VPS39: variants seen among roughly 807,000 people sequenced by gnomAD.
The protein encoded by VPS39 is vam6/Vps39-like protein.
VPS39 carries 70 observed loss-of-function variants against 121.0 expected under a neutral mutation model. The ratio of observed to expected loss-of-function variants is 0.58; its 90% CI spans 0.48 to 0.71. The LOEUF is 0.71. Among genes scored for constraint, VPS39 ranks in the 30% least tolerant of loss-of-function variants. The pLI is 0.00. For missense variants in VPS39, 818 were observed against 1,051.5 expected, an observed-to-expected ratio of 0.78 and a Z score of 3.07; for synonymous variants, 378 against 398.1, an observed-to-expected ratio of 0.95 and a Z score of 0.60.
chr15:42,159,597 A>T lies in VPS39; in HGVS notation c.*1157T>A, dbSNP rs899868069. On this transcript the variant is annotated 3_prime_UTR_variant, in exon 25 of 25. Transcript: ENST00000318006. ...CCCGCGTCCCCTCTGCTGTGCCTAA[A>T]CACCTCTCAGGAACACTTGGCAGCA... 2 of 152,322 alleles carry T rather than the reference A, an allele frequency of 1.3e-5. No homozygotes were observed. Among genetic ancestry groups the T allele is most frequent in the Non-Finnish European group, 2.9e-5 (2 of 68,202 alleles). 9.4% of individuals were successfully genotyped at this position (152,322 alleles called of 1,614,324 possible).
chr15:42,199,747 T>C, intron 2 of VPS39, 149 bp downstream of exon 2: 1 of 771,998 alleles, frequency 1.3e-6, no homozygotes, highest in East Asian at 3.0e-5. Context: ...AGAAAAACCC[T>C]AGGCATTCTC....
intron 4 of VPS39, 68 bp downstream of exon 4, chr15:42,191,057 T>A (rs1203406948): frequency 6.4e-7 from 1 of 1,561,122 alleles, no homozygotes; most frequent in Non-Finnish European, 8.8e-7. Context: ...AAATTAACCA[T>A]GAAAGGATTA....
chr15:42,169,650 C>T, intron 12 of VPS39, 74 bp downstream of exon 12: 1 of 1,491,718 alleles, frequency 6.7e-7, no homozygotes, highest in Non-Finnish European at 9.0e-7. Context: ...AGAAGGCCCT[C>T]AATTCCTTGC....
In VPS39 at chr15:42,162,093, T is replaced by A; in HGVS notation, c.2399A>T (p.Asn800Ile). 1 of 1,614,188 alleles carries A rather than the reference T, an allele frequency of 6.2e-7. No homozygotes were observed. Among genetic ancestry groups the A allele is most frequent in the Non-Finnish European group, 8.5e-7 (1 of 1,180,018 alleles). Residue 800 changes from asparagine to isoleucine, a missense_variant, in exon 23 of 25, where the codon AAT (asparagine) becomes ATT (isoleucine). Asn to Ile is a moderately radical substitution (Grantham distance 149). Transcript: ENST00000318006. Reference sequence around the variant, plus strand: ...TTGATTGAACCGTTTCTTTTGTGCATTTTCTTCCAAGACCTTTTCCAGGAA... The same window carrying A: ...TTGATTGAACCGTTTCTTTTGTGCAATTTCTTCCAAGACCTTTTCCAGGAA... ...RIFLEKVLEE[N>I]AQKKRFNQVL...
chr15:42,165,927 G>A, intron 16 of VPS39, 111 bp from the exon 17 acceptor site: 6 of 1,079,520 alleles, frequency 5.6e-6, no homozygotes, highest in South Asian at 1.4e-5. Flanking sequence ...GCAAGGGTAC[G>A]AGAAGGCATC....
chr15:42,161,970 T>C, intron 23 of VPS39, 62 bp downstream of exon 23: 2 of 1,608,350 alleles, frequency 1.2e-6, no homozygotes, highest in Non-Finnish European at 8.5e-7. Context: ...AGGGAACATG[T>C]GGACATTGTC....
At chr15:42,195,570 A>G (rs929514292) in intron 2 of VPS39, among the ~76,000 whole-genome samples, 15 of 152,208 alleles carry the variant, frequency 9.9e-5, no homozygotes, top group Non-Finnish European at 1.8e-4. Context: ...TCCCATTCAC[A>G]ATTGCTTCAA....
At chr15:42,190,237 TGCATTTTGTACTAACCCATG>T (rs1449428651) in intron 4 of VPS39, among the ~76,000 whole-genome samples, 1 of 152,352 alleles carries the variant, frequency 6.6e-6, no homozygotes, top group African/African-American at 2.4e-5. Context: ...AAATCCCCTG[TGCATTTTGTACTAACCCATG>T]GCAATGATTT....
intron 8 of VPS39, among the ~76,000 whole-genome samples, chr15:42,182,345 T>G (rs1218569658): frequency 6.6e-6 from 1 of 152,250 alleles, no homozygotes; most frequent in Non-Finnish European, 1.5e-5. Context: ...CTGTCCCACT[T>G]GAATACGTTC....
At position 42,187,352 on chromosome 15, in the gene VPS39, A is replaced by G. The variant is rs750923243; in HGVS notation, c.453T>C (p.Ser151=). 1.1e-4 allele frequency: 172 copies of G among 1,607,618 alleles called. 1 individual carries two copies. Among genetic ancestry groups the G allele is most frequent in the Non-Finnish European group, 1.4e-4 (160 of 1,178,458 alleles). ...REFHELQGDF[S]VPDVPKSMAW... The stretch of plus-strand genomic sequence containing the variant: ...CCATGGACTTGGGCACATCTGGCAC[A>G]CTAAAGTCCCCCTGAAAAAAGAGAG... Residue 151 remains serine (S), a synonymous_variant, in exon 7 of 25, where the codon AGT becomes AGC. Coordinates refer to ENST00000318006, the MANE Select transcript of VPS39 (RefSeq NM_015289.5).
intron 1 of VPS39, among the ~76,000 whole-genome samples, chr15:42,204,486 C>A (rs1038726620): frequency 6.6e-6 from 1 of 152,086 alleles, no homozygotes; most frequent in East Asian, 1.9e-4. Flanking sequence ...CCCGTCTCTA[C>A]TAAAACTACA....
In VPS39 at chr15:42,201,308, G is replaced by A. The variant is rs1044795891; in HGVS notation, c.74-1347C>T. Among the ~76,000 whole-genome samples the A allele has an allele frequency of 9.9e-5, 15 of 152,124 alleles. 1 individual carries two copies. Among genetic ancestry groups the A allele is most frequent in the Admixed American group, 8.5e-4 (13 of 15,272 alleles). ...CTCCCACCTCAGCCTCCTGAGTGGC[G>A]AGAAATACAGGCATGCACCACCACG... On this transcript the variant is annotated intron_variant, in intron 1 of 24. Coordinates refer to ENST00000318006, the MANE Select transcript of VPS39 (RefSeq NM_015289.5).
chr15:42,193,925 A>C (rs1429453659), intron 2 of VPS39, among the ~76,000 whole-genome samples: 3 of 152,160 alleles, frequency 2.0e-5, no homozygotes, highest in Non-Finnish European at 4.4e-5. Context: ...TCAAACAAAA[A>C]TAATACTCCC....
chr15:42,191,946 C>G (rs1195233417), intron 2 of VPS39: 2 of 1,217,808 alleles, frequency 1.6e-6, no homozygotes, highest in African/African-American at 3.0e-5. Context: ...CCCAAAGCAT[C>G]CTTAGATCTA....
At chr15:42,197,111 T>C (rs2049956699) in intron 2 of VPS39, among the ~76,000 whole-genome samples, 1 of 129,328 alleles carries the variant, frequency 7.7e-6, no homozygotes, top group African/African-American at 3.0e-5. Flanking sequence ...CACTCATAGG[T>C]GGGAATTGAA....
intron 6 of VPS39, 79 bp downstream of exon 6, chr15:42,187,679 C>A: frequency 7.9e-7 from 1 of 1,268,772 alleles, no homozygotes; most frequent in Non-Finnish European, 1.2e-6. Context: ...AATGACAAGA[C>A]TGGAGTCCTG....
In VPS39 at chr15:42,208,166, A is replaced by T. The variant is rs761000246; in HGVS notation, c.-13T>A. 6.4e-7 allele frequency: 1 copy of T among 1,564,288 alleles called. No homozygotes were observed. The highest frequency in any genetic ancestry group is 8.7e-7 in the Non-Finnish European group (1 of 1,154,506). ...AAGCGTCGTGCATGGCGGCAAGGGG[A>T]GAGTTGCCACCGCCGTCTCGCCCAG... is the stretch of plus-strand genomic sequence containing the variant. On this transcript the variant is annotated 5_prime_UTR_variant, in exon 1 of 25. Transcript: ENST00000318006.
At position 42,162,145 on chromosome 15, in the gene VPS39, T is replaced by C. The variant is rs1395223346; in HGVS notation, c.2347A>G (p.Asn783Asp). The change falls in exon 23 of 25, where the codon AAC (asparagine) becomes GAC (aspartate). Residue 783 changes from asparagine to aspartate, a missense_variant. Transcript: ENST00000318006. ...ATGCGTATGTCATTGATCTGAGTGT[T>C]TGCTGGCAGAAGGTTGAGGGCCTAG... Reference protein sequence around the residue: ...TTKALNLLPANTQINDIRIFL... With the variant: ...TTKALNLLPADTQINDIRIFL... 6.2e-7 allele frequency: 1 copy of C among 1,614,174 alleles called. No homozygotes were observed. The highest frequency in any genetic ancestry group is 8.5e-7 in the Non-Finnish European group (1 of 1,180,032).
At chr15:42,164,750 A>G in intron 18 of VPS39, 1 of 1,426,614 alleles carries the variant, frequency 7.0e-7, no homozygotes, top group Non-Finnish European at 9.1e-7. Context: ...TCTTGCAGAC[A>G]GGTCTGTTCC....
Sources: allele counts gnomAD v4.1 joint callset (sites outside exome capture counted in the v4.1 genomes callset), GRCh38; gene constraint gnomAD v4.1.1; transcripts MANE v1.5; gene names NCBI Gene and HGNC (gene_info 2026-07-23, HGNC 2026-07-21).